Variants in TMEM117 observed in about 807,000 individuals in gnomAD.
TMEM117 encodes the protein transmembrane protein 117.
A neutral mutation model predicts 52.4 loss-of-function variants in TMEM117; 27 were observed. The observed-to-expected ratio is 0.51, with a 90% CI of 0.38 to 0.71. The LOEUF (loss-of-function observed/expected upper bound fraction) is 0.71, where lower values mean the gene tolerates loss of function less well. Ranked by LOEUF, TMEM117 falls within the 30% of genes least tolerant of loss-of-function variation. TMEM117 has a pLI of 0.00. For synonymous variants in TMEM117, 215 were observed against 206.3 expected (o/e 1.04, Z -0.36); for missense variants, 556 against 630.5 (o/e 0.88, Z 1.26).
chr12:44,262,372 A>T lies in TMEM117; in HGVS notation c.609-37208A>T, dbSNP rs141157126. On this transcript the variant is annotated intron_variant, in intron 5 of 7. Transcript: ENST00000266534. ...TGGCAGAAAGTAGAAAACTGAAGAG[A>T]GAGTTAAAACATGACCAAGGATCCT... 5.1e-3 allele frequency among the ~76,000 whole-genome samples: 778 copies of T among 152,308 alleles called. 5 individuals are homozygous for T. The highest frequency in any genetic ancestry group is 8.5e-3 in the Non-Finnish European group (579 of 68,018).
intron 6 of TMEM117, among the ~76,000 whole-genome samples, chr12:44,367,142 T>C (rs1170398209): frequency 6.6e-6 from 1 of 152,138 alleles, no homozygotes; most frequent in Non-Finnish European, 1.5e-5. Context: ...AATCTAATCA[T>C]AGTCTCTCTC....
intron 3 of TMEM117, among the ~76,000 whole-genome samples, chr12:44,055,795 C>T (rs563056123): frequency 7.9e-5 from 12 of 152,232 alleles, no homozygotes; most frequent in Admixed American, 3.9e-4. Context: ...TTACCCTATA[C>T]GTCTTGCACC....
Position 43,996,409 on chromosome 12 carries a change from C to T in TMEM117, c.410+52067C>T, listed in dbSNP as rs866353703. On this transcript the variant is annotated intron_variant, in intron 3 of 7. Transcript: ENST00000266534. ...CTGTAATCCCAGCCCTTTGGGAGGC[C>T]GAGGTGGGCAGATCACAAGGTCAGG... 3.9e-5 allele frequency among the ~76,000 whole-genome samples: 6 copies of T among 152,004 alleles called. No homozygotes were observed. In the East Asian group the frequency reaches 5.8e-4, roughly 15 times the overall value.
intron 2 of TMEM117, among the ~76,000 whole-genome samples, chr12:43,912,955 G>C (rs990507828): frequency 3.3e-5 from 5 of 152,076 alleles, no homozygotes; most frequent in African/African-American, 4.8e-5. Context: ...GCTATCCTAG[G>C]CTTTGAAACA....
chr12:43,944,091 G>T, intron 2 of TMEM117, 119 bp from the exon 3 acceptor site: 6 of 860,092 alleles, frequency 7.0e-6, no homozygotes, highest in Non-Finnish European at 1.0e-5. Flanking sequence ...TCATAAGGCA[G>T]TCTTATGGCA....
chr12:44,250,706 G>C (rs1950186715), intron 5 of TMEM117, among the ~76,000 whole-genome samples: 1 of 152,178 alleles, frequency 6.6e-6, no homozygotes, highest in Non-Finnish European at 1.5e-5. Context: ...GATGAAGCTG[G>C]AAGCCATCAT....
intron 3 of TMEM117, among the ~76,000 whole-genome samples, chr12:43,991,747 A>T (rs1945945332): frequency 6.6e-6 from 1 of 152,168 alleles, no homozygotes; most frequent in South Asian, 2.1e-4. Context: ...AGCAAGAGAG[A>T]GATTGCTTAT....
chr12:44,343,052 A>AT (rs749038553), intron 6 of TMEM117, among the ~76,000 whole-genome samples: 6,356 of 146,138 alleles, frequency 0.043, 144 homozygotes, highest in Middle Eastern at 0.13. Context: ...TACCCAGCTA[A>AT]TTTTTTTTTT....
At chr12:44,326,679 T>C (rs1397485634) in intron 6 of TMEM117, among the ~76,000 whole-genome samples, 1 of 152,230 alleles carries the variant, frequency 6.6e-6, no homozygotes, top group African/African-American at 2.4e-5. Context: ...TCTGATCATA[T>C]CACTCCCCTA....
intron 2 of TMEM117, among the ~76,000 whole-genome samples, chr12:43,873,898 ATTTCT>A (rs1220990838): frequency 1.3e-5 from 2 of 151,420 alleles, no homozygotes; most frequent in African/African-American, 4.9e-5. Context: ...TTTCTCTTTC[ATTTCT>A]TTTATTCTTC....
chr12:44,326,075 A>G (rs960119693), intron 6 of TMEM117, among the ~76,000 whole-genome samples: 7 of 152,202 alleles, frequency 4.6e-5, no homozygotes, highest in African/African-American at 1.7e-4. Flanking sequence ...AGGTGGGAGA[A>G]TTGCTTGAAC....
chr12:44,006,671 G>A (rs1007998222), intron 3 of TMEM117, among the ~76,000 whole-genome samples: 1 of 152,132 alleles, frequency 6.6e-6, no homozygotes, highest in Admixed American at 6.6e-5. Flanking sequence ...ATGGCTGGGG[G>A]CGGGGAAACT....
intron 3 of TMEM117, among the ~76,000 whole-genome samples, chr12:44,116,064 C>G (rs1178069354): frequency 1.3e-5 from 2 of 152,164 alleles, no homozygotes; most frequent in African/African-American, 4.8e-5. Context: ...TTTCTCTTCT[C>G]AATCACTGAA....
intron 3 of TMEM117, among the ~76,000 whole-genome samples, chr12:44,140,942 G>C (rs997034079): frequency 1.3e-5 from 2 of 152,148 alleles, no homozygotes; most frequent in African/African-American, 4.8e-5. Flanking sequence ...GCAACCAGCT[G>C]TGTGTCATGC....
chr12:43,906,455 G>A (rs1426022294), intron 2 of TMEM117, among the ~76,000 whole-genome samples: 4 of 98,712 alleles, frequency 4.1e-5, no homozygotes, highest in Non-Finnish European at 9.9e-5. Context: ...GGAGTGAGAC[G>A]CTGTCTCAAA....
chr12:44,299,542 T>C (rs766417780), intron 5 of TMEM117, 38 bp from the exon 6 acceptor site: 9 of 1,608,052 alleles, frequency 5.6e-6, no homozygotes, highest in Non-Finnish European at 7.7e-6. Flanking sequence ...CTATATTTTA[T>C]GCCTTATGTT....
chr12:44,113,940 C>T (rs1432724633), intron 3 of TMEM117, among the ~76,000 whole-genome samples: 5 of 130,768 alleles, frequency 3.8e-5, no homozygotes, highest in Admixed American at 7.4e-5. Context: ...GTCTGAAAAG[C>T]GCAATATTCG....
At chr12:43,866,206 G>A (rs959365977) in intron 2 of TMEM117, among the ~76,000 whole-genome samples, 2 of 151,662 alleles carry the variant, frequency 1.3e-5, no homozygotes, top group Admixed American at 6.6e-5. Context: ...TATGAATGAT[G>A]GTTAATTTCT....
chr12:44,081,971 A>G (rs998514216), intron 3 of TMEM117, among the ~76,000 whole-genome samples: 7 of 152,008 alleles, frequency 4.6e-5, no homozygotes, highest in Admixed American at 3.9e-4. Context: ...ACAGACAGGT[A>G]TAACAGAAAA....
Sources: allele counts gnomAD v4.1 joint callset (sites outside exome capture counted in the v4.1 genomes callset), GRCh38; gene constraint gnomAD v4.1.1; transcripts MANE v1.5; gene names NCBI Gene and HGNC (gene_info 2026-07-23, HGNC 2026-07-21).